Variants in NRXN1 observed in about 807,000 individuals in gnomAD.
The protein encoded by NRXN1 is neurexin-1.
A neutral mutation model predicts 150.9 loss-of-function variants in NRXN1; 39 were observed. The observed-to-expected ratio is 0.26, with a 90% confidence interval of 0.20 to 0.34. NRXN1 has a LOEUF of 0.34. Ranked by LOEUF, NRXN1 falls within the 10% of genes least tolerant of loss-of-function variation. The pLI, the probability that NRXN1 is intolerant of heterozygous loss-of-function variation, is 1.00. For synonymous variants in NRXN1, 924 were observed against 757.0 expected (o/e 1.22, Z -3.62); for missense variants, 1,815 against 1,949.9 (o/e 0.93, Z 1.30).
chr2:50,360,131 C>A (rs1358934817), intron 17 of NRXN1, among the ~76,000 whole-genome samples: 1 of 152,130 alleles, frequency 6.6e-6, no homozygotes, highest in Non-Finnish European at 1.5e-5. Flanking sequence ...AAGGAAAAAC[C>A]AGTTACCAGT....
intron 21 of NRXN1, among the ~76,000 whole-genome samples, chr2:50,016,723 T>A (rs1001194407): frequency 2.0e-5 from 3 of 152,088 alleles, no homozygotes; most frequent in African/African-American, 7.2e-5. Context: ...GTCCCACTCT[T>A]GACATGTGCT....
intron 8 of NRXN1, among the ~76,000 whole-genome samples, chr2:50,582,450 C>G (rs1391439850): frequency 8.0e-6 from 1 of 124,732 alleles, no homozygotes; most frequent in African/African-American, 3.3e-5. Flanking sequence ...CACTGCACAC[C>G]AGCCTGGGTA....
At chr2:50,924,797 C>T (rs1345694310) in intron 3 of NRXN1, among the ~76,000 whole-genome samples, 1 of 151,522 alleles carries the variant, frequency 6.6e-6, no homozygotes. Context: ...TAATATTATC[C>T]ATGTACGAAT....
At chr2:50,869,100 T>A (rs1199270190) in intron 5 of NRXN1, among the ~76,000 whole-genome samples, 5 of 151,808 alleles carry the variant, frequency 3.3e-5, no homozygotes, top group Admixed American at 6.6e-5. Flanking sequence ...CTCCCTTTTT[T>A]AAATTCATGT....
intron 18 of NRXN1, among the ~76,000 whole-genome samples, chr2:50,170,332 A>G (rs558444345): frequency 5.9e-5 from 9 of 151,944 alleles, no homozygotes; most frequent in African/African-American, 1.4e-4. Flanking sequence ...GTCTCACTCT[A>G]TTGCCCAGTC....
At chr2:50,165,537 C>T (rs568235602) in intron 18 of NRXN1, among the ~76,000 whole-genome samples, 12 of 151,964 alleles carry the variant, frequency 7.9e-5, no homozygotes, top group Non-Finnish European at 1.5e-4. Context: ...TTAGTAGAAA[C>T]GAGGTTTCAG....
At chr2:50,797,940 T>G (rs1707074810) in intron 5 of NRXN1, among the ~76,000 whole-genome samples, 1 of 152,180 alleles carries the variant, frequency 6.6e-6, no homozygotes. Flanking sequence ...AATATTTAGG[T>G]GATCAGGCTT....
intron 5 of NRXN1, among the ~76,000 whole-genome samples, chr2:50,908,032 T>C (rs1020750388): frequency 3.9e-5 from 6 of 152,110 alleles, no homozygotes; most frequent in East Asian, 1.9e-4. Context: ...CTTTTAACTA[T>C]TGATGAGACT....
chr2:50,378,177 G>C (rs1381900415), intron 17 of NRXN1, among the ~76,000 whole-genome samples: 1 of 152,110 alleles, frequency 6.6e-6, no homozygotes, highest in Non-Finnish European at 1.5e-5. Context: ...TAAATCAATG[G>C]AGACATGGTC....
At chr2:50,857,049 T>A (rs1675375378) in intron 5 of NRXN1, among the ~76,000 whole-genome samples, 1 of 152,132 alleles carries the variant, frequency 6.6e-6, no homozygotes, top group African/African-American at 2.4e-5. Flanking sequence ...AACTTTTGTA[T>A]CAGTGTAAGT....
intron 18 of NRXN1, 60 bp downstream of exon 18, chr2:50,236,729 T>A (rs2065470879): frequency 6.5e-7 from 1 of 1,531,394 alleles, no homozygotes. Context: ...AAATTATAAA[T>A]TCTTTACAAA....
chr2:50,617,433 C>A (rs1679241116), intron 8 of NRXN1, among the ~76,000 whole-genome samples: 3 of 145,776 alleles, frequency 2.1e-5, no homozygotes, highest in African/African-American at 7.6e-5. Context: ...GACTCCATCT[C>A]TTAAAAAAAA....
intron 5 of NRXN1, among the ~76,000 whole-genome samples, chr2:50,704,990 T>A (rs910704051): frequency 2.0e-5 from 3 of 151,900 alleles, no homozygotes; most frequent in African/African-American, 7.3e-5. Flanking sequence ...TGCCTAAAGT[T>A]ATGCAGCTTA....
At chr2:49,971,998 T>C (rs1678040338) in intron 21 of NRXN1, among the ~76,000 whole-genome samples, 1 of 152,170 alleles carries the variant, frequency 6.6e-6, no homozygotes, top group African/African-American at 2.4e-5. Context: ...CAAAATCCAC[T>C]AGATAACTGA....
chr2:50,170,180 C>T (rs1355718952), intron 18 of NRXN1, among the ~76,000 whole-genome samples: 2 of 151,710 alleles, frequency 1.3e-5, no homozygotes, highest in Non-Finnish European at 2.9e-5. Context: ...TACACTCAAA[C>T]TGGTTGAGCA....
chr2:50,661,494 A>G (rs1045040492), intron 5 of NRXN1, among the ~76,000 whole-genome samples: 17 of 152,084 alleles, frequency 1.1e-4, no homozygotes, highest in Non-Finnish European at 4.4e-5. Context: ...TTGCTCAACT[A>G]TAGCTTATTA....
intron 21 of NRXN1, among the ~76,000 whole-genome samples, chr2:49,954,790 T>C (rs1442894239): frequency 2.6e-5 from 4 of 152,200 alleles, no homozygotes; most frequent in Non-Finnish European, 4.4e-5. Context: ...ACTTGCCTTT[T>C]GAAATCATCT....
intron 18 of NRXN1, among the ~76,000 whole-genome samples, chr2:50,113,847 C>T (rs1190673324): frequency 2.0e-5 from 3 of 152,004 alleles, no homozygotes; most frequent in South Asian, 2.1e-4. Flanking sequence ...ATTATTATAT[C>T]GAAATGACTT....
rs376269786 is a variant in NRXN1 at position 49,922,264 on chromosome 2, G to A, written c.4217-13C>T. On this transcript the variant is annotated splice_polypyrimidine_tract_variant and intron_variant, in intron 22 of 22. Transcript: ENST00000401669. ...CGGGTTGGGTTGGCTATAGAAAAGA[G>A]GATGAGAACAAACACAAAGTGATCA... is the stretch of plus-strand genomic sequence containing the variant. The A allele has an allele frequency of 1.4e-5, 23 of 1,609,058 alleles. No individual in the cohort carries two copies. The African/African-American group carries it at 2.5e-4, about 18-fold the overall frequency.
Sources: allele counts gnomAD v4.1 joint callset (sites outside exome capture counted in the v4.1 genomes callset), GRCh38; gene constraint gnomAD v4.1.1; transcripts MANE v1.5; gene names NCBI Gene and HGNC (gene_info 2026-07-23, HGNC 2026-07-21).